Variants in TASP1 observed in about 807,000 individuals in gnomAD.
The protein encoded by TASP1 is threonine aspartase 1.
Under a neutral mutation model 56.6 loss-of-function variants are expected in TASP1, and 16 were observed. That is an observed-to-expected ratio of 0.28 (90% CI 0.19 to 0.43). TASP1 has a LOEUF of 0.43. Ranked by LOEUF, TASP1 falls within the 20% of genes least tolerant of loss-of-function variation. TASP1 has a pLI of 1.00. For missense variants in TASP1, 393 were observed against 511.6 expected (o/e 0.77, Z 2.24); for synonymous variants, 179 against 184.2 (o/e 0.97, Z 0.23).
the TASP1 span, among the ~76,000 whole-genome samples, chr20:13,142,756 C>G: frequency 1.3e-5 from 2 of 152,144 alleles, no homozygotes; most frequent in Non-Finnish European, 2.9e-5. Flanking sequence ...GTGCCAGAAT[C>G]CAGTCTTTTG....
the TASP1 span, among the ~76,000 whole-genome samples, chr20:13,270,064 C>G: frequency 6.6e-6 from 1 of 152,078 alleles, no homozygotes; most frequent in Admixed American, 6.6e-5. Flanking sequence ...AGAACTATAT[C>G]CAGCTTGGTC....
At position 13,528,472 on chromosome 20, in the gene TASP1, C is replaced by T; in HGVS notation, c.835G>A (p.Gly279Arg). Residue 279 changes from glycine (G) to arginine (R), a missense_variant, in exon 10 of 14, where the codon GGA becomes AGA. Physicochemically the swap from Gly to Arg is moderately radical, Grantham distance 125. This residue lies in a region of TASP1 where 293 missense variants were observed against 354.2 expected (regional missense o/e 0.83). Coordinates refer to ENST00000337743, the MANE Select transcript of TASP1 (RefSeq NM_017714.3). ...YGCGCWAENT[G>R]AHNPYSTAVS... is the part of the protein sequence containing the mutation. ...GCTGTGGAGTAGGGGTTATGAGCTC[C>T]AGTATTTTCAGCCCAGCAGCCACAT... 6.2e-7 allele frequency: 1 copy of T among 1,610,498 alleles called. No homozygotes were observed. Among genetic ancestry groups the T allele is most frequent in the Non-Finnish European group, 8.5e-7 (1 of 1,178,094 alleles).
At chr20:13,183,468 T>C in the TASP1 span, among the ~76,000 whole-genome samples, 2 of 152,154 alleles carry the variant, frequency 1.3e-5, no homozygotes, top group Non-Finnish European at 2.9e-5. Flanking sequence ...TAGTCAAAAT[T>C]TGCATTTACA....
chr20:13,509,584 T>C (rs1010827836), intron 10 of TASP1, among the ~76,000 whole-genome samples: 25 of 152,272 alleles, frequency 1.6e-4, no homozygotes, highest in African/African-American at 6.0e-4. Flanking sequence ...TTTGTCTGTG[T>C]CATCTCTGAT....
At chr20:13,343,889 G>A in the TASP1 span, among the ~76,000 whole-genome samples, 1 of 151,772 alleles carries the variant, frequency 6.6e-6, no homozygotes, top group Non-Finnish European at 1.5e-5. Flanking sequence ...ACCTGACTGG[G>A]CAGCCAGCCC....
intron 8 of TASP1, among the ~76,000 whole-genome samples, chr20:13,550,193 C>G (rs972649997): frequency 2.8e-5 from 4 of 144,018 alleles, no homozygotes; most frequent in Non-Finnish European, 4.6e-5. Context: ...CACAGAGACA[C>G]TGCAATTGTC....
At chr20:13,210,616 C>CGT in the TASP1 span, among the ~76,000 whole-genome samples, 10,181 of 147,434 alleles carry the variant, frequency 0.069, 369 homozygotes, top group African/African-American at 0.09. Flanking sequence ...CATGTGCACA[C>CGT]GTGTGTGTGT....
At chr20:13,227,066 T>C in the TASP1 span, among the ~76,000 whole-genome samples, 1 of 152,258 alleles carries the variant, frequency 6.6e-6, no homozygotes, top group Non-Finnish European at 1.5e-5. Context: ...ATCTCTTTTA[T>C]TGCCTTTTGT....
chr20:13,436,061 G>T (rs1490253549), intron 11 of TASP1, among the ~76,000 whole-genome samples: 1 of 152,146 alleles, frequency 6.6e-6, no homozygotes, highest in Non-Finnish European at 1.5e-5. Context: ...TAAGAAGACA[G>T]ACAAGTGGTT....
At position 13,511,178 on chromosome 20, in the gene TASP1, GA is replaced by G. The variant is rs565543408; in HGVS notation, c.874+17254del. On this transcript the variant is annotated intron_variant, in intron 10 of 13. Transcript: ENST00000337743. The stretch of plus-strand genomic sequence containing the variant: ...TAAAGAAAGAGTTCCTCATTCCTAG[GA>G]AAAAAAAAAAAACTAAAAGAAGATT... 3.9e-3 allele frequency among the ~76,000 whole-genome samples: 531 copies of G among 137,700 alleles called. 2 individuals carry two copies. Among genetic ancestry groups the G allele is most frequent in the East Asian group, 0.013 (63 of 4,824 alleles). The allele number at this position is 137,700 out of a possible 152,430, so 90.3% of individuals were successfully genotyped here. A position where few individuals can be genotyped will look rare whatever the true frequency, so the allele number is the denominator to read the frequency against.
intron 4 of TASP1, chr20:13,600,704 A>C (rs1016844403): frequency 1.3e-5 from 2 of 152,174 alleles, no homozygotes; most frequent in African/African-American, 4.8e-5. Flanking sequence ...ATACAAGAAA[A>C]AATAATTGAA....
At chr20:13,491,374 ACAATACTTT>A (rs2043519703) in intron 10 of TASP1, among the ~76,000 whole-genome samples, 1 of 152,192 alleles carries the variant, frequency 6.6e-6, no homozygotes, top group African/African-American at 2.4e-5. Flanking sequence ...TCCTGCGTTC[ACAATACTTT>A]CTCTTAAGGC....
At chr20:13,369,736 G>A in the TASP1 span, among the ~76,000 whole-genome samples, 5 of 152,200 alleles carry the variant, frequency 3.3e-5, no homozygotes, top group Non-Finnish European at 7.4e-5. Flanking sequence ...AAATCATAAT[G>A]TTGACAACTC....
At chr20:13,115,705 A>G in the TASP1 span, among the ~76,000 whole-genome samples, 2 of 152,126 alleles carry the variant, frequency 1.3e-5, no homozygotes, top group Non-Finnish European at 2.9e-5. Context: ...CACTTTCCCA[A>G]GTTAGGACTC....
intron 4 of TASP1, among the ~76,000 whole-genome samples, chr20:13,594,536 C>G (rs1402181255): frequency 6.6e-6 from 1 of 152,136 alleles, no homozygotes; most frequent in Non-Finnish European, 1.5e-5. Context: ...CTTAAATGAC[C>G]TGATGGAGCT....
At chr20:13,144,004 A>G in the TASP1 span, among the ~76,000 whole-genome samples, 14 of 152,238 alleles carry the variant, frequency 9.2e-5, no homozygotes, top group Admixed American at 7.8e-4. Flanking sequence ...CCCTCAGAGC[A>G]TGTCATGTTT....
the TASP1 span, among the ~76,000 whole-genome samples, chr20:13,358,186 A>T: frequency 0.17 from 26,046 of 151,896 alleles, 2,442 homozygotes; most frequent in African/African-American, 0.24. Flanking sequence ...TCCTTTACCT[A>T]CCCAAATCCT....
intron 12 of TASP1, among the ~76,000 whole-genome samples, chr20:13,424,451 T>C (rs1235616069): frequency 6.6e-6 from 1 of 152,160 alleles, no homozygotes; most frequent in Non-Finnish European, 1.5e-5. Flanking sequence ...TAAAAGATAA[T>C]TCTAATAACA....
chr20:13,326,284 C>T, the TASP1 span, among the ~76,000 whole-genome samples: 2 of 152,074 alleles, frequency 1.3e-5, no homozygotes, highest in Non-Finnish European at 2.9e-5. Context: ...CATTTATGTA[C>T]AGATTTTTAT....
Sources: allele counts gnomAD v4.1 joint callset (sites outside exome capture counted in the v4.1 genomes callset), GRCh38; gene constraint gnomAD v4.1.1; regional missense constraint gnomAD v4.1.1; transcripts MANE v1.5; gene names NCBI Gene and HGNC (gene_info 2026-07-23, HGNC 2026-07-21).